The following MICALL2 variants were observed in gnomAD, a reference collection of about 807,000 sequenced individuals.
MICALL2 encodes MICAL-like protein 2.
MICALL2 carries 111 observed loss-of-function variants against 91.1 expected under a neutral mutation model. The observed-to-expected ratio is 1.22, with a 90% CI of 1.04 to 1.43. MICALL2 has a LOEUF of 1.43. Among genes scored for constraint, MICALL2 ranks in the 40% most tolerant of loss-of-function variants. The pLI, the probability that MICALL2 is intolerant of heterozygous loss-of-function variation, is 0.00. For missense variants in MICALL2, 1,556 were observed against 1,236.0 expected (o/e 1.26, Z -3.88); for synonymous variants, 694 against 525.3 (o/e 1.32, Z -4.39).
In MICALL2 at chr7:1,434,566, T is replaced by G. The variant is rs369485527; in HGVS notation, c.*30A>C. 7.6e-6 allele frequency: 12 copies of G among 1,579,978 alleles called. No individual in the cohort carries two copies. The highest frequency in any genetic ancestry group is 1.7e-5 in the Admixed American group (1 of 59,928). On this transcript the variant is annotated 3_prime_UTR_variant, in exon 17 of 17. Transcript: ENST00000297508. ...CCCGAGTCCAAGTCCGGATGCCAGGTCCGGGCCGAGCCCACGGCCCTACTG... is the reference window on the plus strand; with the variant it reads ...CCCGAGTCCAAGTCCGGATGCCAGGGCCGGGCCGAGCCCACGGCCCTACTG...
Position 1,448,513 on chromosome 7 carries a change from T to G in MICALL2, c.334+107A>C, listed in dbSNP as rs1248370507. ...CGGTGCCCATGCCAGGGGCCATTCT[T>G]GGGGGGGGGGCTGGGCATGGACCCC... is the stretch of plus-strand genomic sequence containing the variant. On this transcript the variant is annotated intron_variant, in intron 3 of 16. Coordinates refer to ENST00000297508, the MANE Select transcript of MICALL2 (RefSeq NM_182924.4). 7.8e-5 allele frequency: 67 copies of G among 859,868 alleles called. No homozygotes were observed. In the African/African-American group the frequency reaches 9.4e-4, roughly 12 times the overall value. The allele number at this position is 859,868 out of a possible 1,614,324, so 53.3% of individuals were successfully genotyped here.
chr7:1,438,443 C>T (rs1006438650), intron 10 of MICALL2, 90 bp from the exon 11 acceptor site: 1 of 1,523,900 alleles, frequency 6.6e-7, no homozygotes, highest in African/African-American at 1.4e-5. Context: ...GACCTCAGCA[C>T]AGCACAGCTG....
At chr7:1,441,830 G>A (rs140428315) in intron 7 of MICALL2, 22 of 301,346 alleles carry the variant, frequency 7.3e-5, no homozygotes, top group Admixed American at 2.9e-4. Flanking sequence ...AAAACACCAC[G>A]GGAGAACAGG....
chr7:1,437,888 A>G lies in MICALL2; in HGVS notation c.2402+2T>C. On this transcript the variant is annotated splice_donor_variant, in intron 13 of 16. Coordinates refer to ENST00000297508, the MANE Select transcript of MICALL2 (RefSeq NM_182924.4). LOFTEE classifies it high-confidence loss of function. ...AGGAGGGGCCCACGGCTGGGCTCTCACTTGTACATCAGCTCTGACTCCTGT... is the reference window on the plus strand; with the variant it reads ...AGGAGGGGCCCACGGCTGGGCTCTCGCTTGTACATCAGCTCTGACTCCTGT... 3 of 1,548,582 alleles carry G rather than the reference A, an allele frequency of 1.9e-6. No individual in the cohort carries two copies. Among genetic ancestry groups the G allele is most frequent in the Non-Finnish European group, 2.6e-6 (3 of 1,146,606 alleles).
chr7:1,443,287 G>C (rs1013718615), intron 6 of MICALL2, among the ~76,000 whole-genome samples: 2 of 151,634 alleles, frequency 1.3e-5, no homozygotes, highest in Non-Finnish European at 2.9e-5. Context: ...GTGCCAGGAG[G>C]AGCAGAGCGA....
Position 1,440,000 on chromosome 7 carries a change from T to C in MICALL2, c.1891A>G (p.Ser631Gly). ...PRKVSGSFAG[S>G]VHITLTPVRP... ...ACGGGGGTCAGGGTGATGTGGACAC[T>C]CCCAGCAAAGCTGCCTGAGACCTTC... is the stretch of plus-strand genomic sequence containing the variant. Residue 631 changes from serine (S) to glycine (G), a missense_variant, in exon 9 of 17, where the codon AGT (serine) becomes GGT (glycine). By Grantham distance (56) the Ser-to-Gly change is moderately conservative. Transcript: ENST00000297508. 1 of 1,553,036 alleles carries C rather than the reference T, an allele frequency of 6.4e-7. No individual in the cohort carries two copies. The highest frequency in any genetic ancestry group is 8.6e-7 in the Non-Finnish European group (1 of 1,160,778).
intron 1 of MICALL2, among the ~76,000 whole-genome samples, chr7:1,450,888 CT>C (rs1045038395): frequency 2.9e-4 from 44 of 152,330 alleles, no homozygotes; most frequent in African/African-American, 8.9e-4. Context: ...CTTCTCAGCG[CT>C]TCACAAATAC....
At position 1,434,400 on chromosome 7, in the gene MICALL2, G is replaced by T; in HGVS notation, c.*196C>A. On this transcript the variant is annotated 3_prime_UTR_variant, in exon 17 of 17. Transcript: ENST00000297508. ...CGGTTTCTTTATTGAGACCACAGAC[G>T]GTAGCGCAGGTCCCTGCTGTCCACA... The T allele has an allele frequency of 1.4e-6, 1 of 691,554 alleles. No homozygotes were observed. The highest frequency in any genetic ancestry group is 2.6e-6 in the Non-Finnish European group (1 of 378,220). The allele number at this position is 691,554 out of a possible 1,614,324, so 42.8% of individuals were successfully genotyped here.
At position 1,438,108 on chromosome 7, in the gene MICALL2, G is replaced by A. The variant is rs750235718; in HGVS notation, c.2300C>T (p.Ala767Val). 42 of 1,564,134 alleles carry A rather than the reference G, an allele frequency of 2.7e-5. No homozygotes were observed. The highest frequency in any genetic ancestry group is 1.9e-4 in the East Asian group (8 of 42,312). The change falls in exon 12 of 17, where the codon GCG (alanine) becomes GTG (valine). Residue 767 changes from alanine to valine, a missense_variant. Ala to Val is a moderately conservative substitution (Grantham distance 64). Transcript: ENST00000297508. Reference sequence around the variant, plus strand: ...GCCGAGGCGCTCACCTCCCTCGGCCGCCCGCAGTCGCTTCTCCAGCTCCAC... The same window carrying A: ...GCCGAGGCGCTCACCTCCCTCGGCCACCCGCAGTCGCTTCTCCAGCTCCAC... ...RGVELEKRLR[A>V]AEGDDAEDSL...
At position 1,437,972 on chromosome 7, in the gene MICALL2, C is replaced by T; in HGVS notation, c.2320G>A (p.Glu774Lys). 2 of 1,550,462 alleles carry T rather than the reference C, an allele frequency of 1.3e-6. No homozygotes were observed. Among genetic ancestry groups the T allele is most frequent in the Non-Finnish European group, 1.7e-6 (2 of 1,147,410 alleles). Residue 774 changes from glutamate (E) to lysine (K), a missense_variant, in exon 13 of 17, where the codon GAG becomes AAG. Physicochemically the swap from Glu to Lys is moderately conservative, Grantham distance 56. Coordinates refer to ENST00000297508, the MANE Select transcript of MICALL2 (RefSeq NM_182924.4). ...AACCAGTCCACCATGAGGCTATCCT[C>T]AGCGTCATCTGGGGAGAGGAGCCAG... is the stretch of plus-strand genomic sequence containing the variant. ...RLRAAEGDDA[E>K]DSLMVDWFWL...
Position 1,445,327 on chromosome 7 carries a change from G to A in MICALL2, c.743C>T (p.Ala248Val), listed in dbSNP as rs755105965. 18 of 1,609,484 alleles carry A rather than the reference G, an allele frequency of 1.1e-5. No homozygotes were observed. The South Asian group carries it at 1.9e-4, about 17-fold the overall frequency. ...CTSHLPAAAS[A>V]SPKLTGLVPR... ...GACCAGACCCGTCAACTTGGGGCTT[G>A]CAGAGGCGGCTGCGGGGAGGTGGCT... Residue 248 changes from alanine (A) to valine (V), a missense_variant, in exon 6 of 17, where the codon GCA (alanine) becomes GTA (valine). Coordinates refer to ENST00000297508, the MANE Select transcript of MICALL2 (RefSeq NM_182924.4).
At chr7:1,449,126 G>C (rs1170135810) in intron 2 of MICALL2, among the ~76,000 whole-genome samples, 2 of 152,156 alleles carry the variant, frequency 1.3e-5, no homozygotes, top group African/African-American at 2.4e-5. Context: ...AGCCCTCCCC[G>C]GGGGCCAGAA....
intron 9 of MICALL2, chr7:1,439,601 G>T (rs1243762862): frequency 1.1e-5 from 3 of 269,428 alleles, no homozygotes; most frequent in African/African-American, 6.0e-5. Context: ...GAATACACAT[G>T]CATCACACAT....
intron 6 of MICALL2, among the ~76,000 whole-genome samples, 175 bp from the exon 7 acceptor site, chr7:1,442,659 C>T (rs953014147): frequency 6.7e-6 from 1 of 149,500 alleles, no homozygotes; most frequent in South Asian, 2.1e-4. Context: ...CAGGCCACCC[C>T]TCCGCCTCCC....
chr7:1,459,419 A>T lies in MICALL2; in HGVS notation c.-93T>A, dbSNP rs868180981. The T allele has an allele frequency of 8.1e-7, 1 of 1,235,746 alleles. No homozygotes were observed. Among genetic ancestry groups the T allele is most frequent in the Non-Finnish European group, 1.1e-6 (1 of 950,830 alleles). The allele number at this position is 1,235,746 out of a possible 1,614,324, so 76.5% of individuals were successfully genotyped here. A position where few individuals can be genotyped will look rare whatever the true frequency, so the allele number is the denominator to read the frequency against. ...CCCGGCCGGCGGGACAGACGCTGGG[A>T]CCGCTACGGAACCGCCAGACCCACG... On this transcript the variant is annotated 5_prime_UTR_variant, in exon 1 of 17. Transcript: ENST00000297508.
intron 13 of MICALL2, 117 bp from the exon 14 acceptor site, chr7:1,437,725 C>G: frequency 7.8e-7 from 1 of 1,275,966 alleles, no homozygotes. Context: ...AGGCCTGACT[C>G]GCCGCCCGTC....
In MICALL2 at chr7:1,436,872, G is replaced by A. The variant is rs776246645; in HGVS notation, c.2477-16C>T. ...TTCAGAGCCTCTGTGGGGATGGCTC[G>A]TCAGCAGGAGCCCCCCCCACCACTG... On this transcript the variant is annotated splice_polypyrimidine_tract_variant and intron_variant, in intron 14 of 16. Coordinates refer to ENST00000297508, the MANE Select transcript of MICALL2 (RefSeq NM_182924.4). The A allele has an allele frequency of 4.6e-5, 71 of 1,537,214 alleles. No homozygotes were observed. Among genetic ancestry groups the A allele is most frequent in the Admixed American group, 9.4e-5 (5 of 53,098 alleles).
intron 14 of MICALL2, chr7:1,437,321 A>T: frequency 2.0e-6 from 1 of 496,244 alleles, no homozygotes. Context: ...CACTTTGCAG[A>T]GGATGAAACC....
rs202172410 is a variant in MICALL2 at position 1,447,765 on chromosome 7, A to C, written c.335T>G (p.Ile112Ser). ...CCTCTTCACGCCTGCCATGCCCCCA[A>C]CTGGAGGAATCAAGCAGGGATCGGG... is the stretch of plus-strand genomic sequence containing the variant. ...YYNYFHGRSP[I>S]GGMAGVKRAS... Residue 112 changes from isoleucine to serine, a missense_variant and splice_region_variant, in exon 4 of 17, where the codon ATT becomes AGT. Transcript: ENST00000297508. 1 of 1,528,268 alleles carries C rather than the reference A, an allele frequency of 6.5e-7. No individual in the cohort carries two copies. 94.7% of individuals were successfully genotyped at this position (1,528,268 alleles called of 1,614,324 possible).
Sources: allele counts gnomAD v4.1 joint callset (sites outside exome capture counted in the v4.1 genomes callset), GRCh38; gene constraint gnomAD v4.1.1; transcripts MANE v1.5; gene names NCBI Gene and HGNC (gene_info 2026-07-23, HGNC 2026-07-21).